MGAT4C: variants seen among roughly 807,000 people sequenced by gnomAD.
MGAT4C encodes MGAT4 family member C.
A neutral mutation model predicts 40.1 loss-of-function variants in MGAT4C; 19 were observed. That is an observed-to-expected ratio of 0.47 (90% confidence interval 0.33 to 0.70). MGAT4C has a LOEUF of 0.70. Among genes scored for constraint, MGAT4C ranks in the 30% least tolerant of loss-of-function variants. The pLI, the probability that MGAT4C is intolerant of heterozygous loss-of-function variation, is 0.02. For synonymous variants in MGAT4C, 181 were observed against 187.1 expected (o/e 0.97, Z 0.27); for missense variants, 491 against 563.2 (o/e 0.87, Z 1.30).
intron 1 of MGAT4C, among the ~76,000 whole-genome samples, chr12:86,110,306 A>ATATAGTC (rs1877127048): frequency 2.0e-4 from 3 of 15,168 alleles, no homozygotes; most frequent in Non-Finnish European, 2.5e-4. Context: ...CTCTCTATAT[A>ATATAGTC]TATATATATA....
At chr12:86,788,095 A>C (rs922006857) in intron 1 of MGAT4C, among the ~76,000 whole-genome samples, 7 of 151,568 alleles carry the variant, frequency 4.6e-5, no homozygotes, top group African/African-American at 1.7e-4. Context: ...GTATGTATTT[A>C]CTTATATATA....
chr12:86,017,286 T>C (rs1231127854), intron 2 of MGAT4C, among the ~76,000 whole-genome samples: 1 of 152,184 alleles, frequency 6.6e-6, no homozygotes, highest in Non-Finnish European at 1.5e-5. Flanking sequence ...TGAAGATTTG[T>C]ATTTATTATC....
At chr12:86,013,487 T>C (rs1188326413) in intron 2 of MGAT4C, among the ~76,000 whole-genome samples, 1 of 152,164 alleles carries the variant, frequency 6.6e-6, no homozygotes, top group African/African-American at 2.4e-5. Flanking sequence ...TTATTATATA[T>C]GAATATATGG....
chr12:86,430,102 G>C (rs552521574), intron 3 of MGAT4C, among the ~76,000 whole-genome samples: 174 of 152,016 alleles, frequency 1.1e-3, no homozygotes, highest in African/African-American at 4.1e-3. Flanking sequence ...ATTTCTGTCT[G>C]GTTCTTTCCT....
intron 2 of MGAT4C, among the ~76,000 whole-genome samples, chr12:86,596,739 C>T (rs948315065): frequency 4.6e-5 from 7 of 152,128 alleles, no homozygotes; most frequent in African/African-American, 1.7e-4. Context: ...AGCCACACCA[C>T]CTGGTAATAA....
At position 85,961,635 on chromosome 12, in the gene MGAT4C, T is replaced by C. The variant is rs968309940; in HGVS notation, c.*17654A>G. ...AAACTTCACCCTAAGGAAATTTCCATGTCAGATACAATAAGAGCAACGGAA... is the reference window on the plus strand; with the variant it reads ...AAACTTCACCCTAAGGAAATTTCCACGTCAGATACAATAAGAGCAACGGAA... On this transcript the variant is annotated 3_prime_UTR_variant, in exon 5 of 5. Transcript: ENST00000611864. 3 of 151,820 alleles carry C rather than the reference T, an allele frequency of 2.0e-5. No individual in the cohort carries two copies. Among genetic ancestry groups the C allele is most frequent in the Non-Finnish European group, 4.4e-5 (3 of 67,776 alleles). 9.4% of individuals were successfully genotyped at this position (151,820 alleles called of 1,614,324 possible). A position where few individuals can be genotyped will look rare whatever the true frequency, so the allele number is the denominator to read the frequency against.
chr12:86,669,327 C>A (rs1406118192), intron 2 of MGAT4C, among the ~76,000 whole-genome samples: 1 of 152,142 alleles, frequency 6.6e-6, no homozygotes, highest in Non-Finnish European at 1.5e-5. Flanking sequence ...GTGCAGGGGG[C>A]CCTCTCTGTC....
intron 2 of MGAT4C, among the ~76,000 whole-genome samples, chr12:86,667,916 A>G (rs1301931280): frequency 6.6e-6 from 1 of 152,198 alleles, no homozygotes; most frequent in Non-Finnish European, 1.5e-5. Context: ...AATATGTGGA[A>G]GCAAGGTTGA....
intron 2 of MGAT4C, among the ~76,000 whole-genome samples, chr12:86,593,459 G>A (rs367918429): frequency 3.3e-5 from 5 of 152,004 alleles, no homozygotes; most frequent in South Asian, 4.1e-4. Context: ...AAGGGTTGAA[G>A]TTTAGGTTGT....
intron 4 of MGAT4C, among the ~76,000 whole-genome samples, chr12:86,315,080 G>A (rs1954171395): frequency 6.6e-6 from 1 of 150,948 alleles, no homozygotes; most frequent in Non-Finnish European, 1.5e-5. Context: ...ACAGAACAAA[G>A]CTAGAGGACT....
At chr12:86,142,183 G>A (rs1882925982) in intron 1 of MGAT4C, among the ~76,000 whole-genome samples, 1 of 152,128 alleles carries the variant, frequency 6.6e-6, no homozygotes, top group Non-Finnish European at 1.5e-5. Flanking sequence ...TTTGATCTAT[G>A]GTTTATGCCC....
rs535939677 is a variant in MGAT4C at position 86,669,408 on chromosome 12, C to G, written c.-229+57801G>C. The stretch of plus-strand genomic sequence containing the variant: ...CGTTCAGCAGCCTGAGTTGCCACCC[C>G]TCTCCTGTGCAGAAATGTTGGTGCA... On this transcript the variant is annotated intron_variant, in intron 2 of 7. Coordinates refer to the MGAT4C transcript ENST00000548651. Among the ~76,000 whole-genome samples, 27 of 152,286 alleles carry G rather than the reference C, an allele frequency of 1.8e-4. No individual in the cohort carries two copies. In the South Asian group the frequency reaches 5.6e-3, roughly 32 times the overall value.
Position 86,769,036 on chromosome 12 carries a change from A to G in MGAT4C, c.-261-41795T>C, listed in dbSNP as rs565669772. On this transcript the variant is annotated intron_variant, in intron 1 of 7. Coordinates refer to the MGAT4C transcript ENST00000548651. ...GACAAATGGGATCTAATTAAACGAA[A>G]GAGCTTCTGCACAGCAAAAGAAACT... Among the ~76,000 whole-genome samples, 1,423 of 151,962 alleles carry G rather than the reference A, an allele frequency of 9.4e-3. 15 individuals are homozygous for G. The highest frequency in any genetic ancestry group is 0.033 in the African/African-American group (1,358 of 41,494).
chr12:86,407,380 T>C (rs962322384), intron 3 of MGAT4C, among the ~76,000 whole-genome samples: 1 of 152,126 alleles, frequency 6.6e-6, no homozygotes, highest in Non-Finnish European at 1.5e-5. Context: ...TAGAAGATTA[T>C]ACACGTTGTT....
At chr12:86,035,122 T>C (rs1274351211) in intron 2 of MGAT4C, among the ~76,000 whole-genome samples, 1 of 150,108 alleles carries the variant, frequency 6.7e-6, no homozygotes, top group East Asian at 1.9e-4. Context: ...TCATATAGTA[T>C]TTCTAGTTCT....
chr12:86,343,385 A>G (rs1954943395), intron 3 of MGAT4C, among the ~76,000 whole-genome samples: 3 of 152,216 alleles, frequency 2.0e-5, no homozygotes, highest in African/African-American at 7.2e-5. Context: ...GGAGAAATAT[A>G]AAGCATTTTT....
At chr12:86,138,983 A>G (rs1037873890) in intron 1 of MGAT4C, among the ~76,000 whole-genome samples, 1 of 152,116 alleles carries the variant, frequency 6.6e-6, no homozygotes. Context: ...AAAGGCCACA[A>G]TGGAAAATGC....
chr12:86,189,251 A>T (rs1468029292), intron 1 of MGAT4C, among the ~76,000 whole-genome samples: 5 of 151,960 alleles, frequency 3.3e-5, no homozygotes, highest in Non-Finnish European at 7.4e-5. Context: ...AACACCTTAA[A>T]TTTCTCATAA....
intron 2 of MGAT4C, among the ~76,000 whole-genome samples, chr12:86,482,062 G>C (rs111940020): frequency 1.1e-5 from 1 of 90,566 alleles, no homozygotes; most frequent in Non-Finnish European, 2.2e-5. Context: ...TTCTAAACAT[G>C]TCACTACACA....
Sources: gnomAD v4.1 joint callset for allele counts (sites outside exome capture counted in the v4.1 genomes callset) on GRCh38, gnomAD v4.1.1 for gene constraint, MANE v1.5 for transcripts, NCBI Gene and HGNC (gene_info 2026-07-23, HGNC 2026-07-21) for gene names.